The following SLC6A15 variants were observed in gnomAD, a reference collection of about 807,000 sequenced individuals.
SLC6A15 encodes the protein solute carrier family 6 member 15, also known as sodium-dependent neutral amino acid transporter B(0)AT2.
In SLC6A15, 33 loss-of-function variants were observed where a neutral mutation model predicts 68.5. That is an observed-to-expected ratio of 0.48 (90% confidence interval 0.37 to 0.64). The LOEUF (loss-of-function observed/expected upper bound fraction) is 0.64, where lower values mean the gene tolerates loss of function less well. Among genes scored for constraint, SLC6A15 ranks in the 30% least tolerant of loss-of-function variants. The pLI is 0.00. For synonymous variants in SLC6A15, 347 were observed against 301.0 expected, an observed-to-expected ratio of 1.15 and a Z score of -1.58; for missense variants, 747 against 874.3, an observed-to-expected ratio of 0.85 and a Z score of 1.84.
At chr12:84,865,322 T>C (rs1177734908) in intron 10 of SLC6A15, among the ~76,000 whole-genome samples, 1 of 152,206 alleles carries the variant, frequency 6.6e-6, no homozygotes, top group Non-Finnish European at 1.5e-5. Flanking sequence ...AATTTTAGGT[T>C]CACAGCAAAA....
chr12:84,872,782 C>G lies in SLC6A15; in HGVS notation c.1122G>C (p.Thr374=). 3 of 1,601,740 alleles carry G rather than the reference C, an allele frequency of 1.9e-6. No individual in the cohort carries two copies. Among genetic ancestry groups the G allele is most frequent in the Non-Finnish European group, 1.7e-6 (2 of 1,176,538 alleles). ...NEKCITQNSE[T]IMKFLKMGNI... is the part of the protein sequence containing the mutation. ...TCCCCATTTTCAAAAATTTCATGAT[C>G]GTCTCTGAATTTCTGAAAAATAAAA... Residue 374 remains threonine, a synonymous_variant, in exon 8 of 12, where the codon ACG becomes ACC. Transcript: ENST00000266682.
chr12:84,871,150 T>C (rs1223046404), intron 8 of SLC6A15, among the ~76,000 whole-genome samples: 1 of 151,368 alleles, frequency 6.6e-6, no homozygotes, highest in Non-Finnish European at 1.5e-5. Context: ...TATATATACA[T>C]ATACACTATG....
In SLC6A15 at chr12:84,891,897, A is replaced by C. The variant is rs150860765; in HGVS notation, c.224T>G (p.Val75Gly). 9 of 1,613,920 alleles carry C rather than the reference A, an allele frequency of 5.6e-6. No individual in the cohort carries two copies. The highest frequency in any genetic ancestry group is 2.2e-5 in the South Asian group (2 of 91,078). ...NSKLQYILAQ[V>G]GFSVGLGNVW... Reference sequence around the variant, plus strand: ...ATTTCCTAAACCTACAGAAAATCCAACTTGGGCCAGGATGTATTGTAGTTT... The same window carrying C: ...ATTTCCTAAACCTACAGAAAATCCACCTTGGGCCAGGATGTATTGTAGTTT... Residue 75 changes from valine to glycine, a missense_variant, in exon 2 of 12, where the codon GTT becomes GGT. Val to Gly is a moderately radical substitution (Grantham distance 109). Transcript: ENST00000266682.
intron 1 of SLC6A15, among the ~76,000 whole-genome samples, chr12:84,910,809 A>G (rs112638731): frequency 0.04 from 6,019 of 152,048 alleles, 380 homozygotes; most frequent in African/African-American, 0.13. Flanking sequence ...TTCTGCCCGT[A>G]CCTATAAATG....
intron 10 of SLC6A15, 45 bp downstream of exon 10, chr12:84,866,989 C>A: frequency 7.2e-7 from 1 of 1,385,192 alleles, no homozygotes; most frequent in South Asian, 1.7e-5. Flanking sequence ...TTGATGTTTT[C>A]AAACTAGAGA....
chr12:84,879,948 G>A lies in SLC6A15; in HGVS notation c.757-3341C>T, dbSNP rs188565441. On this transcript the variant is annotated intron_variant, in intron 5 of 11. Transcript: ENST00000266682. ...CTGCACACAATTCCTAAAATTGCAA[G>A]CTTATGGTTATTCTGCAGTATTTTG... Among the ~76,000 whole-genome samples, 65 of 152,222 alleles carry A rather than the reference G, an allele frequency of 4.3e-4. No individual in the cohort carries two copies. The Middle Eastern group carries it at 0.01, about 24-fold the overall frequency.
rs1294537962 is a variant in SLC6A15, at chr12:84,867,697, C to T, written c.1496-504G>A. On this transcript the variant is annotated intron_variant, in intron 9 of 11. Transcript: ENST00000266682. The stretch of plus-strand genomic sequence containing the variant: ...GATTGAAATATGGTTACTTTTCAAG[C>T]ATAAGTGGAAAAATCTGACCAGACT... The T allele has an allele frequency of 5.3e-5, 8 of 152,032 alleles. No individual in the cohort carries two copies. In the South Asian group the frequency reaches 1.7e-3, roughly 32 times the overall value. The allele number at this position is 152,032 out of a possible 1,614,324, so 9.4% of individuals were successfully genotyped here.
rs1257208102 is a variant in SLC6A15 at position 84,876,616 on chromosome 12, A to G, written c.757-9T>C. On this transcript the variant is annotated splice_polypyrimidine_tract_variant and intron_variant, in intron 5 of 11. Coordinates refer to ENST00000266682, the MANE Select transcript of SLC6A15 (RefSeq NM_182767.6). The stretch of plus-strand genomic sequence containing the variant: ...GAACTAAAATATATGATCTGCAAAG[A>G]AATAAAAATAAAAATAAGTGAGATA... The G allele has an allele frequency of 1.5e-6, 2 of 1,307,366 alleles. No homozygotes were observed. The highest frequency in any genetic ancestry group is 2.2e-5 in the Admixed American group (1 of 46,462). The allele number at this position is 1,307,366 out of a possible 1,614,324, so 81.0% of individuals were successfully genotyped here.
At chr12:84,900,205 T>G (rs748351527) in intron 1 of SLC6A15, among the ~76,000 whole-genome samples, 10 of 152,050 alleles carry the variant, frequency 6.6e-5, no homozygotes, top group Non-Finnish European at 1.3e-4. Flanking sequence ...ACAACTTTTG[T>G]TAAATTTATT....
chr12:84,862,697 C>T (rs1158313993), intron 11 of SLC6A15, among the ~76,000 whole-genome samples: 1 of 152,100 alleles, frequency 6.6e-6, no homozygotes, highest in East Asian at 1.9e-4. Flanking sequence ...CAGAACTTTA[C>T]TTCAAAATTT....
chr12:84,881,368 T>C, intron 5 of SLC6A15: 1 of 781,278 alleles, frequency 1.3e-6, no homozygotes, highest in Non-Finnish European at 1.6e-6. Context: ...TATTTGATCA[T>C]AGTTTTGCTC....
At chr12:84,871,042 C>G (rs1482581443) in intron 8 of SLC6A15, among the ~76,000 whole-genome samples, 2 of 151,430 alleles carry the variant, frequency 1.3e-5, no homozygotes, top group Non-Finnish European at 2.9e-5. Context: ...TATATAAATA[C>G]AAATATATAT....
chr12:84,905,736 G>C (rs2120735513), intron 1 of SLC6A15, among the ~76,000 whole-genome samples: 1 of 152,224 alleles, frequency 6.6e-6, no homozygotes, highest in South Asian at 2.1e-4. Context: ...CACAACCTAA[G>C]GACACAGAAG....
At chr12:84,871,242 G>A (rs1376494136) in intron 8 of SLC6A15, among the ~76,000 whole-genome samples, 2 of 149,872 alleles carry the variant, frequency 1.3e-5, no homozygotes, top group African/African-American at 4.9e-5. Context: ...ATTATAAAAA[G>A]CCAATTTTTA....
intron 3 of SLC6A15, 112 bp from the exon 4 acceptor site, chr12:84,885,673 T>C: frequency 8.2e-7 from 1 of 1,218,158 alleles, no homozygotes; most frequent in Non-Finnish European, 1.1e-6. Flanking sequence ...CATTTTATTA[T>C]TTATTTGGGA....
At chr12:84,891,601 A>G (rs1872394470) in intron 2 of SLC6A15, among the ~76,000 whole-genome samples, 1 of 152,150 alleles carries the variant, frequency 6.6e-6, no homozygotes, top group African/African-American at 2.4e-5. Context: ...AGAAGTTGAG[A>G]ATGTGTTACC....
intron 1 of SLC6A15, among the ~76,000 whole-genome samples, chr12:84,893,117 C>T (rs1224349484): frequency 6.6e-6 from 1 of 152,050 alleles, no homozygotes; most frequent in African/African-American, 2.4e-5. Flanking sequence ...TGTGATGAGG[C>T]TTTATGGGAT....
chr12:84,874,742 T>G (rs957828422), intron 6 of SLC6A15, among the ~76,000 whole-genome samples: 2 of 152,192 alleles, frequency 1.3e-5, no homozygotes, highest in Non-Finnish European at 2.9e-5. Context: ...CTTTAGCCAC[T>G]AGATGGCAGA....
rs772815858 is a variant in SLC6A15, at chr12:84,872,761, C to T, written c.1143G>A (p.Met381Ile). 23 of 1,602,338 alleles carry T rather than the reference C, an allele frequency of 1.4e-5. No individual in the cohort carries two copies. The South Asian group carries it at 2.6e-4, about 18-fold the overall frequency. ...NSETIMKFLK[M>I]GNISQDIIPH... ...GAATAATATCCTGACTAATGTTCCC[C>T]ATTTTCAAAAATTTCATGATCGTCT... The change falls in exon 8 of 12, where the codon ATG (methionine) becomes ATA (isoleucine). Residue 381 changes from methionine to isoleucine, a missense_variant. Coordinates refer to ENST00000266682, the MANE Select transcript of SLC6A15 (RefSeq NM_182767.6).
Sources: gnomAD v4.1 joint callset for allele counts (sites outside exome capture counted in the v4.1 genomes callset) on GRCh38, gnomAD v4.1.1 for gene constraint, MANE v1.5 for transcripts, NCBI Gene and HGNC (gene_info 2026-07-23, HGNC 2026-07-21) for gene names.